HECW1: variants seen among roughly 807,000 people sequenced by gnomAD.
HECW1 encodes the protein HECT, C2 and WW domain containing E3 ubiquitin protein ligase 1, also known as E3 ubiquitin-protein ligase HECW1.
A neutral mutation model predicts 182.3 loss-of-function variants in HECW1; 61 were observed. The observed-to-expected ratio is 0.33, with a 90% confidence interval of 0.27 to 0.41. HECW1 has a LOEUF of 0.41. Among genes scored for constraint, HECW1 ranks in the 10% least tolerant of loss-of-function variants. The pLI is 1.00. For synonymous variants in HECW1, 859 were observed against 832.6 expected (o/e 1.03, Z -0.55); for missense variants, 1,739 against 2,108.9 (o/e 0.82, Z 3.44).
chr7:43,209,763 A>T (rs915326438), intron 2 of HECW1, among the ~76,000 whole-genome samples: 3 of 152,160 alleles, frequency 2.0e-5, no homozygotes, highest in African/African-American at 7.2e-5. Flanking sequence ...AGAAGAGTGG[A>T]CATATCTGAA....
At chr7:43,118,280 A>G (rs1476153020) in intron 2 of HECW1, 1 of 152,712 alleles carries the variant, frequency 6.5e-6, no homozygotes, top group Non-Finnish European at 1.5e-5. Flanking sequence ...TTGTAATTCA[A>G]TCATTTTGTC....
chr7:43,418,459 A>G (rs2076082738), intron 8 of HECW1, among the ~76,000 whole-genome samples: 1 of 151,904 alleles, frequency 6.6e-6, no homozygotes, highest in South Asian at 2.1e-4. Context: ...CTTTTTCTTG[A>G]GCTCCAAATG....
chr7:43,400,767 C>A (rs1269946698), intron 7 of HECW1, among the ~76,000 whole-genome samples: 3 of 152,210 alleles, frequency 2.0e-5, no homozygotes, highest in Non-Finnish European at 2.9e-5. Flanking sequence ...GTGGCTTAAA[C>A]AACACAAATG....
intron 24 of HECW1, among the ~76,000 whole-genome samples, chr7:43,529,358 C>G (rs1434734418): frequency 2.6e-5 from 4 of 152,132 alleles, no homozygotes; most frequent in African/African-American, 9.7e-5. Flanking sequence ...GGACAAAACG[C>G]CACTGTGGAT....
chr7:43,340,238 TAAGA>T (rs1812794732), intron 5 of HECW1, among the ~76,000 whole-genome samples: 13 of 110,304 alleles, frequency 1.2e-4, no homozygotes, highest in African/African-American at 3.8e-4. Context: ...TTTTTTTTTC[TAAGA>T]CGGAGTATCG....
At chr7:43,289,385 A>C (rs1805089854) in intron 3 of HECW1, among the ~76,000 whole-genome samples, 1 of 152,202 alleles carries the variant, frequency 6.6e-6, no homozygotes, top group African/African-American at 2.4e-5. Flanking sequence ...GATTACAGGT[A>C]TGAGCCACCA....
At chr7:43,151,391 CAATG>C (rs1411285263) in intron 2 of HECW1, among the ~76,000 whole-genome samples, 8 of 152,074 alleles carry the variant, frequency 5.3e-5, no homozygotes, top group Admixed American at 5.2e-4. Flanking sequence ...CATGGACAGA[CAATG>C]AAGGATTTTA....
intron 2 of HECW1, among the ~76,000 whole-genome samples, chr7:43,155,573 A>G (rs1789796598): frequency 6.6e-6 from 1 of 152,238 alleles, no homozygotes; most frequent in Non-Finnish European, 1.5e-5. Context: ...ATATATATGT[A>G]TTATTGAAAT....
chr7:43,474,404 G>A (rs2078143809), intron 16 of HECW1, among the ~76,000 whole-genome samples: 1 of 152,054 alleles, frequency 6.6e-6, no homozygotes, highest in Non-Finnish European at 1.5e-5. Context: ...AGCCGAGATG[G>A]CGCCACTGCA....
At position 43,342,014 on chromosome 7, in the gene HECW1, C is replaced by T. The variant is rs1231966844; in HGVS notation, c.461-18872C>T. The stretch of plus-strand genomic sequence containing the variant: ...CTTTAAAAATTATGTAATTTTATCC[C>T]TTTGAATGAGTTCTTAGATACAAGT... On this transcript the variant is annotated intron_variant, in intron 5 of 29. Transcript: ENST00000395891. Among the ~76,000 whole-genome samples the T allele has an allele frequency of 4.6e-5, 7 of 151,816 alleles. No homozygotes were observed. The East Asian group carries it at 1.4e-3, about 29-fold the overall frequency.
rs78799161 is a variant in HECW1, at chr7:43,242,874, G to A, written c.-31-1001G>A. ...CGTCACCACTGAGAAGTCCAGTAGC[G>A]TCCACCAGGGCGTTGGACACAGAGC... On this transcript the variant is annotated intron_variant, in intron 2 of 29. Coordinates refer to ENST00000395891, the MANE Select transcript of HECW1 (RefSeq NM_015052.5). Among the ~76,000 whole-genome samples, 1,036 of 152,252 alleles carry A rather than the reference G, an allele frequency of 6.8e-3. 8 individuals are homozygous for A. Among genetic ancestry groups the A allele is most frequent in the Non-Finnish European group, 9.2e-3 (626 of 68,032 alleles).
intron 24 of HECW1, among the ~76,000 whole-genome samples, chr7:43,524,345 A>C (rs2080669975): frequency 1.3e-5 from 2 of 152,238 alleles, no homozygotes; most frequent in Admixed American, 1.3e-4. Flanking sequence ...AAGTTAGAAA[A>C]TATGAGAAGA....
intron 2 of HECW1, among the ~76,000 whole-genome samples, chr7:43,227,783 A>G (rs1430690841): frequency 6.6e-6 from 1 of 152,240 alleles, no homozygotes. Flanking sequence ...AAGCTACCAT[A>G]ATGAACAAAA....
chr7:43,161,842 GGTGTCACTT>G (rs1365675968), intron 2 of HECW1: 1 of 152,134 alleles, frequency 6.6e-6, no homozygotes, highest in Non-Finnish European at 1.5e-5. Flanking sequence ...TCTTCATTGT[GGTGTCACTT>G]GTGTGTATCT....
intron 15 of HECW1, among the ~76,000 whole-genome samples, chr7:43,468,581 G>T (rs1208152925): frequency 6.6e-6 from 1 of 152,064 alleles, no homozygotes; most frequent in African/African-American, 2.4e-5. Flanking sequence ...GAGTGCAACG[G>T]CACAATCATA....
intron 2 of HECW1, among the ~76,000 whole-genome samples, chr7:43,210,579 C>T (rs533587638): frequency 4.6e-5 from 7 of 152,050 alleles, no homozygotes; most frequent in East Asian, 1.9e-4. Flanking sequence ...GGGTTCTTGG[C>T]CTCATGGATT....
At chr7:43,561,105 G>T (rs930129531) in intron 29 of HECW1, among the ~76,000 whole-genome samples, 2 of 152,232 alleles carry the variant, frequency 1.3e-5, no homozygotes, top group Non-Finnish European at 2.9e-5. Context: ...AGCCACATGA[G>T]TCTTCCAGGT....
chr7:43,192,512 C>T (rs1030597749), intron 2 of HECW1, among the ~76,000 whole-genome samples: 1 of 150,620 alleles, frequency 6.6e-6, no homozygotes, highest in East Asian at 1.9e-4. Flanking sequence ...TGACTAAATA[C>T]GTAAAGATAA....
intron 6 of HECW1, among the ~76,000 whole-genome samples, chr7:43,381,919 C>T (rs1462463820): frequency 3.3e-5 from 5 of 152,182 alleles, no homozygotes; most frequent in South Asian, 2.1e-4. Context: ...CTGCCTTGGC[C>T]TCCCAGAGTG....
Sources: allele counts gnomAD v4.1 joint callset (sites outside exome capture counted in the v4.1 genomes callset), GRCh38; gene constraint gnomAD v4.1.1; transcripts MANE v1.5; gene names NCBI Gene and HGNC (gene_info 2026-07-23, HGNC 2026-07-21).